The following SLIT3 variants were observed in gnomAD, a reference collection of about 807,000 sequenced individuals.
The protein encoded by SLIT3 is slit homolog 3 protein.
In SLIT3, 68 loss-of-function variants were observed where a neutral mutation model predicts 184.0. The observed-to-expected ratio is 0.37, with a 90% CI of 0.30 to 0.45. The LOEUF is 0.45. Ranked by LOEUF, SLIT3 falls within the 20% of genes least tolerant of loss-of-function variation. The probability of loss-of-function intolerance (pLI) is 1.00; values close to 1 mark genes in which losing one functional copy is unlikely to be tolerated. For synonymous variants in SLIT3, 831 were observed against 828.6 expected (o/e 1.00, Z -0.05); for missense variants, 1,707 against 2,026.0 (o/e 0.84, Z 3.02).
intron 3 of SLIT3, among the ~76,000 whole-genome samples, chr5:169,198,394 A>T (rs892547643): frequency 6.6e-6 from 1 of 152,156 alleles, no homozygotes; most frequent in African/African-American, 2.4e-5. Context: ...AGACTGAGAG[A>T]GCAGTATGTG....
At chr5:168,902,981 C>G (rs150529930) in intron 4 of SLIT3, among the ~76,000 whole-genome samples, 1 of 151,966 alleles carries the variant, frequency 6.6e-6, no homozygotes, top group African/African-American at 2.4e-5. Flanking sequence ...GATCTGAGGA[C>G]GAGAAGGAGC....
intron 7 of SLIT3, among the ~76,000 whole-genome samples, chr5:168,819,001 C>G (rs1442704768): frequency 6.6e-6 from 1 of 152,228 alleles, no homozygotes; most frequent in African/African-American, 2.4e-5. Flanking sequence ...AATAATTAAT[C>G]TGGATGTAAT....
chr5:168,972,022 G>T (rs1383434756), intron 4 of SLIT3, among the ~76,000 whole-genome samples: 1 of 152,244 alleles, frequency 6.6e-6, no homozygotes, highest in Non-Finnish European at 1.5e-5. Flanking sequence ...TAGTCATGGT[G>T]ATGGGAAGTA....
intron 4 of SLIT3, among the ~76,000 whole-genome samples, chr5:169,172,313 C>T (rs896368863): frequency 5.3e-5 from 8 of 152,180 alleles, no homozygotes; most frequent in African/African-American, 1.9e-4. Context: ...TCAGTTTAAC[C>T]TATGAATTAA....
intron 1 of SLIT3, among the ~76,000 whole-genome samples, chr5:169,277,548 T>C (rs891131408): frequency 2.6e-5 from 4 of 152,240 alleles, no homozygotes; most frequent in African/African-American, 9.6e-5. Context: ...AGCAGAATGT[T>C]TTCAATGTTC....
At chr5:169,100,890 C>A (rs1350622651) in intron 4 of SLIT3, among the ~76,000 whole-genome samples, 1 of 152,194 alleles carries the variant, frequency 6.6e-6, no homozygotes, top group African/African-American at 2.4e-5. Flanking sequence ...TGTCAACAAA[C>A]CCTGCTGGCA....
At chr5:169,043,590 A>G (rs1757522554) in intron 4 of SLIT3, among the ~76,000 whole-genome samples, 1 of 152,368 alleles carries the variant, frequency 6.6e-6, no homozygotes, top group African/African-American at 2.4e-5. Flanking sequence ...TATATGAGCT[A>G]TGTTCAAGGG....
chr5:169,035,489 A>G (rs1216299574), intron 4 of SLIT3, among the ~76,000 whole-genome samples: 1 of 151,952 alleles, frequency 6.6e-6, no homozygotes, highest in African/African-American at 2.4e-5. Context: ...CTCTACTAAA[A>G]ACACAAAAAA....
At chr5:169,063,723 A>G (rs1758254085) in intron 4 of SLIT3, among the ~76,000 whole-genome samples, 1 of 152,266 alleles carries the variant, frequency 6.6e-6, no homozygotes, top group South Asian at 2.1e-4. Context: ...AATTTAAATA[A>G]CAAGTCAGCC....
intron 4 of SLIT3, among the ~76,000 whole-genome samples, chr5:169,065,996 A>G (rs556083047): frequency 1.3e-5 from 2 of 152,352 alleles, no homozygotes; most frequent in African/African-American, 4.8e-5. Flanking sequence ...GGCAGGTGTC[A>G]TTCCAGTTGA....
At chr5:168,897,091 TG>T (rs1196228747) in intron 4 of SLIT3, among the ~76,000 whole-genome samples, 1 of 151,360 alleles carries the variant, frequency 6.6e-6, no homozygotes, top group Middle Eastern at 3.2e-3. Flanking sequence ...AAACCTGTCT[TG>T]GGGCTTACAT....
chr5:168,697,952 A>C (rs1762108305), intron 27 of SLIT3, among the ~76,000 whole-genome samples: 1 of 152,090 alleles, frequency 6.6e-6, no homozygotes, highest in Non-Finnish European at 1.5e-5. Flanking sequence ...GAGGAAAGAG[A>C]GGTTGCTAAA....
chr5:169,289,150 G>A (rs541423471), intron 1 of SLIT3, among the ~76,000 whole-genome samples: 22 of 152,228 alleles, frequency 1.4e-4, no homozygotes, highest in Non-Finnish European at 2.5e-4. Flanking sequence ...CAGACAGGTC[G>A]GGCAGTTAGA....
chr5:168,668,613 CAG>C (rs1267852612), intron 35 of SLIT3, among the ~76,000 whole-genome samples: 5 of 152,208 alleles, frequency 3.3e-5, no homozygotes, highest in Non-Finnish European at 7.3e-5. Flanking sequence ...TTCTTGGAGA[CAG>C]GGTCTGTCTC....
intron 4 of SLIT3, among the ~76,000 whole-genome samples, chr5:169,081,689 A>G (rs1759066385): frequency 6.6e-6 from 1 of 152,214 alleles, no homozygotes; most frequent in Non-Finnish European, 1.5e-5. Flanking sequence ...AGCTAGAGGA[A>G]GGCATGAGTC....
intron 14 of SLIT3, chr5:168,772,090 AG>A (rs1755571197): frequency 6.6e-6 from 1 of 152,240 alleles, no homozygotes; most frequent in Non-Finnish European, 1.5e-5. Context: ...AGATAGGCTG[AG>A]AATTCCCCTG....
At chr5:169,042,879 A>G (rs540858061) in intron 4 of SLIT3, among the ~76,000 whole-genome samples, 2 of 152,186 alleles carry the variant, frequency 1.3e-5, no homozygotes, top group Non-Finnish European at 2.9e-5. Context: ...CGATCTGTCC[A>G]TTTACAAAAG....
chr5:169,259,854 A>G (rs1766104500), intron 1 of SLIT3, among the ~76,000 whole-genome samples: 1 of 129,824 alleles, frequency 7.7e-6, no homozygotes, highest in African/African-American at 4.0e-5. Context: ...AGGAGCCTGG[A>G]GTCTAGCTGA....
Position 168,696,371 on chromosome 5 carries a change from C to A in SLIT3, c.3003G>T (p.Glu1001Asp). ...TGGCATTGTTTTCGCAGTCGTTGTC[C>A]TCACAGTCATCTGGGTTGATCTCAC... Reference protein sequence around the residue: ...QRCEINPDDCEDNDCENNATC... With the variant: ...QRCEINPDDCDDNDCENNATC... Residue 1001 changes from glutamate (E) to aspartate (D), a missense_variant, in exon 28 of 36, where the codon GAG (glutamate) becomes GAT (aspartate). Coordinates refer to ENST00000519560, the MANE Select transcript of SLIT3 (RefSeq NM_003062.4). 6.2e-7 allele frequency: 1 copy of A among 1,614,170 alleles called. No individual in the cohort carries two copies. The highest frequency in any genetic ancestry group is 2.2e-5 in the East Asian group (1 of 44,870).
Sources: gnomAD v4.1 joint callset for allele counts (sites outside exome capture counted in the v4.1 genomes callset) on GRCh38, gnomAD v4.1.1 for gene constraint, MANE v1.5 for transcripts, NCBI Gene and HGNC (gene_info 2026-07-23, HGNC 2026-07-21) for gene names.